Variants in CATSPERE observed in about 807,000 individuals in gnomAD.
CATSPERE encodes the protein cation channel sperm-associated auxiliary subunit epsilon.
Under a neutral mutation model 114.1 loss-of-function variants are expected in CATSPERE, and 93 were observed. That is an observed-to-expected ratio of 0.81 (90% CI 0.69 to 0.97). CATSPERE has a LOEUF of 0.97. Ranked by LOEUF, CATSPERE falls within the 50% of genes least tolerant of loss-of-function variation. The probability of loss-of-function intolerance (pLI) is 0.00; values close to 1 mark genes in which losing one functional copy is unlikely to be tolerated. For synonymous variants in CATSPERE, 341 were observed against 384.1 expected (o/e 0.89, Z 1.31); for missense variants, 1,058 against 1,131.6 (o/e 0.93, Z 0.93).
intron 6 of CATSPERE, among the ~76,000 whole-genome samples, chr1:244,490,719 G>A (rs559762929): frequency 4.0e-4 from 61 of 151,552 alleles, no homozygotes; most frequent in African/African-American, 1.4e-3. Context: ...CCAACAACTT[G>A]GCTGAAGGAG....
chr1:244,553,624 C>CAT (rs1553356191), intron 9 of CATSPERE, among the ~76,000 whole-genome samples: 1 of 144,448 alleles, frequency 6.9e-6, no homozygotes, highest in African/African-American at 2.7e-5. Flanking sequence ...CACACACACA[C>CAT]ACACACACAC....
chr1:244,616,643 G>A (rs1010090823), intron 19 of CATSPERE, among the ~76,000 whole-genome samples: 3 of 152,174 alleles, frequency 2.0e-5, no homozygotes, highest in African/African-American at 7.2e-5. Context: ...AACCCACTCC[G>A]TGACAACGGC....
chr1:244,519,120 T>G (rs1483821821), intron 8 of CATSPERE, among the ~76,000 whole-genome samples: 1 of 152,212 alleles, frequency 6.6e-6, no homozygotes, highest in Non-Finnish European at 1.5e-5. Context: ...CAGACTTTCT[T>G]AGTCTATTAA....
Position 244,573,721 on chromosome 1 carries a change from A to T in CATSPERE, c.1950+949A>T, listed in dbSNP as rs777050644. The stretch of plus-strand genomic sequence containing the variant: ...TGAGAGCAGAAGCCTAGGTTTGGCC[A>T]CATATCCCTAACTCATAGGATGGTG... On this transcript the variant is annotated intron_variant, in intron 11 of 21. Coordinates refer to ENST00000366534, the MANE Select transcript of CATSPERE (RefSeq NM_001130957.2). This position sits in a 1 kb window ranked among gnomAD's most constrained non-coding sequence, Gnocchi z 4.0. Among the ~76,000 whole-genome samples, 1 of 152,196 alleles carries T rather than the reference A, an allele frequency of 6.6e-6. No individual in the cohort carries two copies. The highest frequency in any genetic ancestry group is 2.4e-5 in the African/African-American group (1 of 41,444).
chr1:244,452,096 A>G (rs1219107223), upstream of CATSPERE: 1 of 294,342 alleles, frequency 3.4e-6, no homozygotes, highest in Non-Finnish European at 6.3e-6. Flanking sequence ...CCCCGGACCG[A>G]GGCCACGCCC....
chr1:244,607,061 A>G lies in CATSPERE; in HGVS notation c.2403+1267A>G, dbSNP rs1299243420. 6.6e-6 allele frequency among the ~76,000 whole-genome samples: 1 copy of G among 151,566 alleles called. No individual in the cohort carries two copies. The highest frequency in any genetic ancestry group is 1.5e-5 in the Non-Finnish European group (1 of 67,912). On this transcript the variant is annotated intron_variant, in intron 18 of 21. Transcript: ENST00000366534. The surrounding 1 kb of genome is among the most constrained non-coding windows in gnomAD (Gnocchi z 4.4). ...TTCTCCCTTGGTCCAGACTCCCATC[A>G]CTCTCTTCCTTCTCAAACCTTTCCA...
chr1:244,617,105 A>G (rs1353876720), intron 19 of CATSPERE, among the ~76,000 whole-genome samples: 1 of 152,164 alleles, frequency 6.6e-6, no homozygotes, highest in African/African-American at 2.4e-5. Context: ...GTATCTTGAG[A>G]CCCACAGAAA....
chr1:244,505,690 T>C (rs575938433), intron 7 of CATSPERE, among the ~76,000 whole-genome samples: 1 of 152,198 alleles, frequency 6.6e-6, no homozygotes, highest in East Asian at 1.9e-4. Context: ...CCTAACAACA[T>C]ACCATAGACC....
In CATSPERE at chr1:244,572,429, A is replaced by C; in HGVS notation, c.1607A>C (p.Tyr536Ser). ...DAVKLHLWTN[Y>S]TTRAFIFLST... ...GTAAAGCTGCATTTATGGACAAATTACACAACAAGAGCATTCATTTTCTTA... is the reference window on the plus strand; with the variant it reads ...GTAAAGCTGCATTTATGGACAAATTCCACAACAAGAGCATTCATTTTCTTA... Residue 536 changes from tyrosine (Y) to serine (S), a missense_variant, in exon 11 of 22, where the codon TAC becomes TCC. Tyr to Ser is a moderately radical substitution (Grantham distance 144). This residue lies in a region of CATSPERE where 787 missense variants were observed against 905.6 expected (regional missense o/e 0.87). Coordinates refer to ENST00000366534, the MANE Select transcript of CATSPERE (RefSeq NM_001130957.2). 3 of 1,608,080 alleles carry C rather than the reference A, an allele frequency of 1.9e-6. No individual in the cohort carries two copies. The highest frequency in any genetic ancestry group is 2.6e-6 in the Non-Finnish European group (3 of 1,174,406).
chr1:244,495,974 G>T (rs1205267001), intron 6 of CATSPERE, among the ~76,000 whole-genome samples: 4 of 152,214 alleles, frequency 2.6e-5, no homozygotes, highest in Non-Finnish European at 5.9e-5. Context: ...CGCCCAGGCG[G>T]AAGTGATTGC....
At chr1:244,505,790 A>G (rs1400443061) in intron 7 of CATSPERE, among the ~76,000 whole-genome samples, 1 of 152,084 alleles carries the variant, frequency 6.6e-6, no homozygotes, top group African/African-American at 2.4e-5. Context: ...GTGGATCACG[A>G]GGTCAGGAGA....
intron 8 of CATSPERE, among the ~76,000 whole-genome samples, chr1:244,544,051 G>T (rs1278268771): frequency 6.6e-6 from 1 of 151,490 alleles, no homozygotes; most frequent in Non-Finnish European, 1.5e-5. Context: ...GGGAGCAAAA[G>T]AAAACTTCAC....
intron 10 of CATSPERE, among the ~76,000 whole-genome samples, chr1:244,562,501 C>A (rs1486699253): frequency 2.0e-5 from 3 of 152,090 alleles, no homozygotes; most frequent in Non-Finnish European, 4.4e-5. Context: ...GTTGATAAAT[C>A]CTTCTCACTT....
chr1:244,627,574 A>T (rs140284965), intron 20 of CATSPERE, among the ~76,000 whole-genome samples: 6,379 of 148,682 alleles, frequency 0.043, 152 homozygotes, highest in Admixed American at 0.066. Flanking sequence ...GACCCTGTTA[A>T]AAAAAAAAAA....
At chr1:244,564,811 T>A (rs1203638890) in intron 10 of CATSPERE, among the ~76,000 whole-genome samples, 1 of 152,244 alleles carries the variant, frequency 6.6e-6, no homozygotes, top group Non-Finnish European at 1.5e-5. Context: ...AGAGAAGGCA[T>A]CCTTGTCTTG....
chr1:244,457,800 C>T (rs1206781862), upstream of CATSPERE, among the ~76,000 whole-genome samples: 1 of 152,056 alleles, frequency 6.6e-6, no homozygotes, highest in Non-Finnish European at 1.5e-5. Context: ...TGACATTTGG[C>T]TTATTTGGTA....
At chr1:244,596,298 TTA>T (rs532151507) in intron 17 of CATSPERE, among the ~76,000 whole-genome samples, 1 of 152,222 alleles carries the variant, frequency 6.6e-6, no homozygotes, top group Admixed American at 6.5e-5. Flanking sequence ...TAGCATATAT[TTA>T]TGAGTAGGTA....
At chr1:244,490,084 G>A (rs758083661) in intron 5 of CATSPERE, among the ~76,000 whole-genome samples, 1 of 152,122 alleles carries the variant, frequency 6.6e-6, no homozygotes, top group Non-Finnish European at 1.5e-5. Flanking sequence ...AGCAAAGAGT[G>A]ATCAACAAGG....
At chr1:244,602,773 C>T (rs925677571) in intron 17 of CATSPERE, among the ~76,000 whole-genome samples, 1 of 152,152 alleles carries the variant, frequency 6.6e-6, no homozygotes, top group African/African-American at 2.4e-5. Context: ...AACAGATATT[C>T]TGGGTGTTTT....
Sources: allele counts gnomAD v4.1 joint callset (sites outside exome capture counted in the v4.1 genomes callset), GRCh38; gene constraint gnomAD v4.1.1; regional missense constraint gnomAD v4.1.1; non-coding constraint Gnocchi (gnomAD v3.1); transcripts MANE v1.5; gene names NCBI Gene and HGNC (gene_info 2026-07-23, HGNC 2026-07-21).